Variants in GSK3B observed in about 807,000 individuals in gnomAD.
The protein encoded by GSK3B is glycogen synthase kinase-3 beta.
In GSK3B, 15 loss-of-function variants were observed where a neutral mutation model predicts 56.4. That is an observed-to-expected ratio of 0.27 (90% CI 0.18 to 0.41). The LOEUF (loss-of-function observed/expected upper bound fraction) is 0.41, where lower values mean the gene tolerates loss of function less well. Among genes scored for constraint, GSK3B ranks in the 10% least tolerant of loss-of-function variants. The pLI is 1.00. For synonymous variants in GSK3B, 181 were observed against 188.9 expected (o/e 0.96, Z 0.34); for missense variants, 300 against 513.4 (o/e 0.58, Z 4.02).
chr3:119,953,014 G>C (rs2057173388), intron 2 of GSK3B, among the ~76,000 whole-genome samples: 1 of 151,868 alleles, frequency 6.6e-6, no homozygotes, highest in Non-Finnish European at 1.5e-5. Flanking sequence ...GATAACAGTT[G>C]GGTTTATAAC....
chr3:120,074,031 G>T (rs1403737313), intron 1 of GSK3B, among the ~76,000 whole-genome samples: 1 of 152,300 alleles, frequency 6.6e-6, no homozygotes, highest in East Asian at 1.9e-4. Context: ...TTGGCCAGGT[G>T]CCGCTGCTCA....
chr3:119,841,487 G>A (rs2055771651), intron 10 of GSK3B, among the ~76,000 whole-genome samples: 1 of 152,118 alleles, frequency 6.6e-6, no homozygotes, highest in Non-Finnish European at 1.5e-5. Context: ...AACAATTAAC[G>A]TAACCTGGGC....
chr3:119,895,147 G>A (rs1191205084), intron 7 of GSK3B, among the ~76,000 whole-genome samples: 1 of 152,048 alleles, frequency 6.6e-6, no homozygotes, highest in Non-Finnish European at 1.5e-5. Flanking sequence ...AATCGTTTCA[G>A]AATCCACATA....
intron 1 of GSK3B, among the ~76,000 whole-genome samples, chr3:120,016,021 T>C (rs1207908358): frequency 6.6e-6 from 1 of 152,216 alleles, no homozygotes; most frequent in Non-Finnish European, 1.5e-5. Context: ...ATTTACTCTG[T>C]TCCTAACCCT....
At chr3:119,869,455 A>G (rs2108041506) in intron 8 of GSK3B, among the ~76,000 whole-genome samples, 1 of 152,232 alleles carries the variant, frequency 6.6e-6, no homozygotes, top group African/African-American at 2.4e-5. Flanking sequence ...AATTCAGCTC[A>G]AGTCTACTGC....
At chr3:119,886,859 A>G (rs557163144) in intron 7 of GSK3B, among the ~76,000 whole-genome samples, 94 of 152,174 alleles carry the variant, frequency 6.2e-4, no homozygotes, top group Middle Eastern at 6.8e-3. Context: ...CAAACTGAGG[A>G]CAACCAGAGC....
chr3:119,876,663 C>T (rs959513360), intron 7 of GSK3B, among the ~76,000 whole-genome samples, 155 bp from the exon 8 acceptor site: 1 of 152,080 alleles, frequency 6.6e-6, no homozygotes, highest in South Asian at 2.1e-4. Flanking sequence ...TGAATATGTC[C>T]CCCAAAGCTC....
chr3:119,864,814 TTTG>T (rs1336223953), intron 8 of GSK3B, among the ~76,000 whole-genome samples: 1 of 152,236 alleles, frequency 6.6e-6, no homozygotes, highest in Non-Finnish European at 1.5e-5. Flanking sequence ...GAGGATTGTA[TTTG>T]TTTTTAATTT....
intron 9 of GSK3B, among the ~76,000 whole-genome samples, chr3:119,859,670 C>T (rs753216482): frequency 1.4e-4 from 21 of 151,924 alleles, no homozygotes; most frequent in Non-Finnish European, 2.8e-4. Context: ...TTTTTTATAT[C>T]TCAATCTTCC....
chr3:119,974,117 C>T (rs976983454), intron 2 of GSK3B, among the ~76,000 whole-genome samples: 1 of 152,052 alleles, frequency 6.6e-6, no homozygotes, highest in Non-Finnish European at 1.5e-5. Flanking sequence ...AGTTGAACTT[C>T]GTTAAAATTA....
chr3:120,029,833 C>T (rs1446401923), intron 1 of GSK3B: 1 of 552,048 alleles, frequency 1.8e-6, no homozygotes, highest in Non-Finnish European at 3.7e-6. Flanking sequence ...GAAATGAGGA[C>T]TAATGGCCCC....
chr3:119,835,691 T>G (rs1353324509), intron 10 of GSK3B, among the ~76,000 whole-genome samples: 1 of 152,178 alleles, frequency 6.6e-6, no homozygotes, highest in Non-Finnish European at 1.5e-5. Context: ...TTTAAAAAGT[T>G]GCAGACTTTT....
chr3:119,921,801 T>A (rs2056842205), intron 4 of GSK3B, among the ~76,000 whole-genome samples: 1 of 152,226 alleles, frequency 6.6e-6, no homozygotes, highest in Non-Finnish European at 1.5e-5. Flanking sequence ...AAATACCATT[T>A]ATTTTCATAG....
chr3:119,947,260 A>G lies in GSK3B; in HGVS notation c.366+8T>C. On this transcript the variant is annotated splice_region_variant and intron_variant, in intron 3 of 10. Coordinates refer to ENST00000264235, the MANE Select transcript of GSK3B (RefSeq NM_001146156.2). ...CAATATTCAGTACACACTTTGTGTC[A>G]AACCTACCTTCTCACCACTGGAGTA... 1.3e-6 allele frequency: 2 copies of G among 1,486,570 alleles called. No individual in the cohort carries two copies. Among genetic ancestry groups the G allele is most frequent in the Non-Finnish European group, 9.4e-7 (1 of 1,064,132 alleles). 92.1% of individuals were successfully genotyped at this position (1,486,570 alleles called of 1,614,324 possible).
At chr3:120,084,888 T>C (rs923667281) in intron 1 of GSK3B, among the ~76,000 whole-genome samples, 7 of 152,164 alleles carry the variant, frequency 4.6e-5, no homozygotes, top group African/African-American at 1.7e-4. Context: ...TTTTCTAGAG[T>C]TACTGATTTA....
chr3:119,884,718 A>C (rs1037655371), intron 7 of GSK3B, among the ~76,000 whole-genome samples: 2 of 152,170 alleles, frequency 1.3e-5, no homozygotes, highest in African/African-American at 4.8e-5. Context: ...AAGAAACATG[A>C]ATCCTTTTGA....
intron 1 of GSK3B, among the ~76,000 whole-genome samples, chr3:120,080,838 A>G (rs2058412970): frequency 6.6e-6 from 1 of 152,144 alleles, no homozygotes; most frequent in Non-Finnish European, 1.5e-5. Flanking sequence ...TCAAAAAAAA[A>G]AAGAAAAAAA....
chr3:119,965,131 C>A (rs551887120), intron 2 of GSK3B, among the ~76,000 whole-genome samples: 1 of 149,120 alleles, frequency 6.7e-6, no homozygotes, highest in Non-Finnish European at 1.5e-5. Flanking sequence ...CAGCTCACTG[C>A]AACCTCCACC....
chr3:119,899,817 C>A (rs373003415), intron 7 of GSK3B, among the ~76,000 whole-genome samples: 1 of 151,968 alleles, frequency 6.6e-6, no homozygotes, highest in East Asian at 1.9e-4. Context: ...TCTCCTTTTC[C>A]CCTTCCCTTA....
Sources: allele counts gnomAD v4.1 joint callset (sites outside exome capture counted in the v4.1 genomes callset), GRCh38; gene constraint gnomAD v4.1.1; transcripts MANE v1.5; gene names NCBI Gene and HGNC (gene_info 2026-07-23, HGNC 2026-07-21).